POLD4: variants seen among roughly 807,000 people sequenced by gnomAD.
The protein encoded by POLD4 is DNA polymerase delta subunit 4.
A neutral mutation model predicts 16.5 loss-of-function variants in POLD4; 9 were observed. The ratio of observed to expected loss-of-function variants is 0.55; its 90% confidence interval spans 0.33 to 0.95. The LOEUF (loss-of-function observed/expected upper bound fraction) is 0.95. Ranked by LOEUF, POLD4 falls within the 40% of genes least tolerant of loss-of-function variation. The pLI, the probability that POLD4 is intolerant of heterozygous loss-of-function variation, is 0.03. For missense variants in POLD4, 129 were observed against 139.7 expected (o/e 0.92, Z 0.39); for synonymous variants, 62 against 57.6 (o/e 1.08, Z -0.35).
At position 67,353,430 on chromosome 11, in the gene POLD4, C is replaced by A. The variant is rs1188990505; in HGVS notation, c.-31G>T. The A allele has an allele frequency of 1.3e-6, 2 of 1,592,500 alleles. No homozygotes were observed. The highest frequency in any genetic ancestry group is 1.3e-5 in the African/African-American group (1 of 74,480). On this transcript the variant is annotated 5_prime_UTR_variant, in exon 1 of 4. Transcript: ENST00000312419. ...CCACCCAGGCAGGCAGAGAAGGAGG[C>A]AACTGCGGGGAAGAGGAGAGACCGG...
chr11:67,353,475 C>A lies in POLD4; in HGVS notation c.-76G>T. 1 of 1,318,970 alleles carries A rather than the reference C, an allele frequency of 7.6e-7. No individual in the cohort carries two copies. Among genetic ancestry groups the A allele is most frequent in the South Asian group, 1.2e-5 (1 of 80,788 alleles). 81.7% of individuals were successfully genotyped at this position (1,318,970 alleles called of 1,614,324 possible). A position where few individuals can be genotyped will look rare whatever the true frequency, so the allele number is the denominator to read the frequency against. ...GACCGGCCAGTGGGCGCGAGAAAGA[C>A]AGCTGCTGAGAGAGACAGACGGGGC... On this transcript the variant is annotated 5_prime_UTR_variant, in exon 1 of 4. Transcript: ENST00000312419.
intron 1 of POLD4, 93 bp downstream of exon 1, chr11:67,353,210 C>T (rs527546926): frequency 1.6e-5 from 24 of 1,533,118 alleles, no homozygotes; most frequent in Middle Eastern, 3.4e-4. Flanking sequence ...GGACAGGCCA[C>T]CTTTCCCTTT....
In POLD4 at chr11:67,352,744, TG is replaced by T. The variant is rs762968479; in HGVS notation, c.245del (p.Pro82GlnfsTer7). 1.2e-6 allele frequency: 2 copies of T among 1,612,604 alleles called. No individual in the cohort carries two copies. Among genetic ancestry groups the T allele is most frequent in the Non-Finnish European group, 1.7e-6 (2 of 1,179,708 alleles). On this transcript the variant is annotated frameshift_variant, in exon 3 of 4. Transcript: ENST00000312419. LOFTEE classifies it high-confidence loss of function. ...RAKQMGLEPPPEVWQVLKTHP... is the reference protein window; with the variant it reads ...RAKQMGLEPPXEVWQVLKTHP... ...GGGTCTTCAGCACCTGCCACACCTC[TG>T]GGGGAGGCTCCAAGCCCATCTGCTT...
rs201016876 is a variant in POLD4 at position 67,352,749 on chromosome 11, G to C, written c.241C>G (p.Pro81Ala). The C allele has an allele frequency of 5.6e-6, 9 of 1,613,186 alleles. No homozygotes were observed. Among genetic ancestry groups the C allele is most frequent in the Non-Finnish European group, 7.6e-6 (9 of 1,179,840 alleles). The change falls in exon 3 of 4, where the codon CCC becomes GCC. Residue 81 changes from proline (P) to alanine (A), a missense_variant. Pro to Ala is a conservative substitution (Grantham distance 27). Transcript: ENST00000312419. ...TTCAGCACCTGCCACACCTCTGGGG[G>C]AGGCTCCAAGCCCATCTGCTTGGCC... ...CRAKQMGLEP[P>A]PEVWQVLKTH... is the part of the protein sequence containing the mutation.
chr11:67,352,603 C>T, intron 3 of POLD4, 88 bp downstream of exon 3: 1 of 977,072 alleles, frequency 1.0e-6, no homozygotes, highest in Non-Finnish European at 1.6e-6. Flanking sequence ...AACCCTCCAT[C>T]CATTTCTCCC....
chr11:67,352,496 CA>C, intron 3 of POLD4, 194 bp downstream of exon 3: 1 of 542,982 alleles, frequency 1.8e-6, no homozygotes, highest in Admixed American at 3.3e-5. Flanking sequence ...GGCAACAGAG[CA>C]AGACTCTGTC....
chr11:67,353,285 C>G lies in POLD4; in HGVS notation c.97+18G>C. On this transcript the variant is annotated intron_variant, in intron 1 of 3. Coordinates refer to ENST00000312419, the MANE Select transcript of POLD4 (RefSeq NM_021173.5). The stretch of plus-strand genomic sequence containing the variant: ...CCCTCCGTGTCCACTCCTCCTGCCT[C>G]CCTCACACCTCAGAGACCTAGCTCG... The G allele has an allele frequency of 6.2e-7, 1 of 1,606,276 alleles. No individual in the cohort carries two copies. The highest frequency in any genetic ancestry group is 8.5e-7 in the Non-Finnish European group (1 of 1,177,512).
chr11:67,351,638 G>A lies in POLD4; in HGVS notation c.*357C>T, dbSNP rs867496168. The A allele has an allele frequency of 3.3e-5, 8 of 244,460 alleles. No individual in the cohort carries two copies. The highest frequency in any genetic ancestry group is 1.3e-3 in the Middle Eastern group (1 of 776). The allele number at this position is 244,460 out of a possible 1,614,324, so 15.1% of individuals were successfully genotyped here. On this transcript the variant is annotated 3_prime_UTR_variant, in exon 4 of 4. Coordinates refer to ENST00000312419, the MANE Select transcript of POLD4 (RefSeq NM_021173.5). The surrounding 1 kb of genome is among the most constrained non-coding windows in gnomAD (Gnocchi z 4.8). ...CCTGCTCTCAGATTCCTGGCCTTAG[G>A]TGGGAGAGCATCTTTTCCTCATGGA...
At position 67,351,196 on chromosome 11, in the gene POLD4, T is replaced by A. The variant is rs28364247; in HGVS notation, c.*799A>T. On this transcript the variant is annotated 3_prime_UTR_variant, in exon 4 of 4. Coordinates refer to ENST00000312419, the MANE Select transcript of POLD4 (RefSeq NM_021173.5). The surrounding 1 kb of genome is among the most constrained non-coding windows in gnomAD (Gnocchi z 4.8). ...GCCAGAGGTGCTTGCTGGGAATGTA[T>A]AGATATGTTTGGACTTCATGAGCTA... 0.024 allele frequency: 3,659 copies of A among 152,320 alleles called. 159 individuals are homozygous for A. The highest frequency in any genetic ancestry group is 0.083 in the African/African-American group (3,457 of 41,538). The allele number at this position is 152,320 out of a possible 1,614,324, so 9.4% of individuals were successfully genotyped here.
rs1376136081 is a variant in POLD4 at position 67,352,768 on chromosome 11, C to T, written c.222G>A (p.Lys74=). 1.2e-6 allele frequency: 2 copies of T among 1,612,172 alleles called. No homozygotes were observed. The highest frequency in any genetic ancestry group is 1.7e-6 in the Non-Finnish European group (2 of 1,179,226). ...CTGGGGGAGGCTCCAAGCCCATCTG[C>T]TTGGCCCGACACCAGCGCTGCAGCC... ...ITRLQRWCRA[K]QMGLEPPPEV... The change falls in exon 3 of 4, where the codon AAG becomes AAA. Residue 74 remains lysine (K), a synonymous_variant. Transcript: ENST00000312419.
chr11:67,353,516 C>A lies in POLD4; in HGVS notation c.-117G>T, dbSNP rs1013877634. On this transcript the variant is annotated 5_prime_UTR_variant, in exon 1 of 4. Coordinates refer to ENST00000312419, the MANE Select transcript of POLD4 (RefSeq NM_021173.5). Reference sequence around the variant, plus strand: ...CAGACGGGGCCAGGCCAGCGGCGGGCAGACAAGATGACCCAGACAAACCGA... The same window carrying A: ...CAGACGGGGCCAGGCCAGCGGCGGGAAGACAAGATGACCCAGACAAACCGA... 1.2e-6 allele frequency: 1 copy of A among 853,512 alleles called. No homozygotes were observed. 52.9% of individuals were successfully genotyped at this position (853,512 alleles called of 1,614,324 possible). A position where few individuals can be genotyped will look rare whatever the true frequency, so the allele number is the denominator to read the frequency against.
chr11:67,352,938 TG>T (rs929128016), intron 2 of POLD4, 49 bp downstream of exon 2: 5 of 1,484,344 alleles, frequency 3.4e-6, no homozygotes, highest in Admixed American at 4.3e-5. Context: ...CAGAGACGTG[TG>T]GGTGACTGGC....
intron 3 of POLD4, 157 bp downstream of exon 3, chr11:67,352,533 GC>G (rs1342190971): frequency 3.4e-6 from 2 of 587,276 alleles, no homozygotes; most frequent in African/African-American, 3.8e-5. Context: ...TATTATAGTG[GC>G]GTGTCCTCCT....
At chr11:67,352,837 G>T (rs770074383) in intron 2 of POLD4, 35 bp from the exon 3 acceptor site, 48 of 1,538,516 alleles carry the variant, frequency 3.1e-5, no homozygotes, top group Non-Finnish European at 4.0e-5. Context: ...GGAGACTTGT[G>T]GGGGGTGGGG....
rs1044911490 is a variant in POLD4, at chr11:67,351,897, C to T, written c.*98G>A. The T allele has an allele frequency of 9.6e-6, 13 of 1,356,476 alleles. No homozygotes were observed. Among genetic ancestry groups the T allele is most frequent in the Admixed American group, 4.1e-5 (2 of 48,878 alleles). 84.0% of individuals were successfully genotyped at this position (1,356,476 alleles called of 1,614,324 possible). Reference sequence around the variant, plus strand: ...TGCCTGCCAAGGGTTCCTCCGCAGCCGGGCTGAGCTGAGCAGGAGCAATGG... The same window carrying T: ...TGCCTGCCAAGGGTTCCTCCGCAGCTGGGCTGAGCTGAGCAGGAGCAATGG... On this transcript the variant is annotated 3_prime_UTR_variant, in exon 4 of 4. Coordinates refer to ENST00000312419, the MANE Select transcript of POLD4 (RefSeq NM_021173.5). The surrounding 1 kb of genome is among the most constrained non-coding windows in gnomAD (Gnocchi z 4.8).
intron 3 of POLD4, 110 bp downstream of exon 3, chr11:67,352,581 G>T: frequency 1.3e-6 from 1 of 745,168 alleles, no homozygotes; most frequent in Non-Finnish European, 2.2e-6. Flanking sequence ...TGCCTGTTCA[G>T]CAAGGCCTTC....
At position 67,353,454 on chromosome 11, in the gene POLD4, G is replaced by T. The variant is rs1302872593; in HGVS notation, c.-55C>A. ...GCAACTGCGGGGAAGAGGAGAGACC[G>T]GCCAGTGGGCGCGAGAAAGACAGCT... On this transcript the variant is annotated 5_prime_UTR_variant, in exon 1 of 4. Coordinates refer to ENST00000312419, the MANE Select transcript of POLD4 (RefSeq NM_021173.5). The T allele has an allele frequency of 2.0e-6, 3 of 1,481,560 alleles. No homozygotes were observed. The allele number at this position is 1,481,560 out of a possible 1,614,324, so 91.8% of individuals were successfully genotyped here.
At chr11:67,353,155 C>A in intron 1 of POLD4, 78 bp from the exon 2 acceptor site, 3 of 1,506,186 alleles carry the variant, frequency 2.0e-6, no homozygotes, top group African/African-American at 1.4e-5. Context: ...CTCACCACCG[C>A]TTTGCCTCTG....
rs747485648 is a variant in POLD4 at position 67,352,053 on chromosome 11, C to CAGAG, written c.300-38_300-35dup. 1.3e-5 allele frequency: 16 copies of CAGAG among 1,266,158 alleles called. No individual in the cohort carries two copies. In the African/African-American group the frequency reaches 2.1e-4, roughly 16 times the overall value. 78.4% of individuals were successfully genotyped at this position (1,266,158 alleles called of 1,614,324 possible). ...GATGGGGTGGGAGGGAGGGATACCCCAGAGAGAGAGAGAGAGAAACAGAGA... is the reference window on the plus strand; with the variant it reads ...GATGGGGTGGGAGGGAGGGATACCCCAGAGAGAGAGAGAGAGAGAGAAACAGAGA... On this transcript the variant is annotated intron_variant, in intron 3 of 3. Transcript: ENST00000312419.
Sources: allele counts gnomAD v4.1 joint callset, GRCh38; gene constraint gnomAD v4.1.1; non-coding constraint Gnocchi (gnomAD v3.1); transcripts MANE v1.5; gene names NCBI Gene and HGNC (gene_info 2026-07-23, HGNC 2026-07-21).